WDR19: variants seen among roughly 807,000 people sequenced by gnomAD.
The protein encoded by WDR19 is WD repeat domain 19.
A neutral mutation model predicts 180.0 loss-of-function variants in WDR19; 121 were observed. The observed-to-expected ratio is 0.67, with a 90% CI of 0.58 to 0.78. The LOEUF is 0.78. Among genes scored for constraint, WDR19 ranks in the 30% least tolerant of loss-of-function variants. The probability of loss-of-function intolerance (pLI) is 0.00; values close to 1 mark genes in which losing one functional copy is unlikely to be tolerated. For missense variants in WDR19, 1,450 were observed against 1,640.7 expected (o/e 0.88, Z 2.01); for synonymous variants, 497 against 540.7 (o/e 0.92, Z 1.12).
In WDR19 at chr4:39,216,093, T is replaced by C; in HGVS notation, c.1135-3T>C. The C allele has an allele frequency of 3.2e-6, 5 of 1,571,250 alleles. No individual in the cohort carries two copies. Among genetic ancestry groups the C allele is most frequent in the Non-Finnish European group, 4.3e-6 (5 of 1,158,346 alleles). On this transcript the variant is annotated splice_polypyrimidine_tract_variant and splice_region_variant and intron_variant, in intron 11 of 36. Transcript: ENST00000399820. ...TGATTTATTACTATTTTCTTTATTATAGGAGCTACCAATCACAGTTTCTGT... is the reference window on the plus strand; with the variant it reads ...TGATTTATTACTATTTTCTTTATTACAGGAGCTACCAATCACAGTTTCTGT...
chr4:39,216,335 G>C, intron 12 of WDR19, 125 bp downstream of exon 12: 2 of 795,422 alleles, frequency 2.5e-6, no homozygotes, highest in South Asian at 3.9e-5. Context: ...CTCATTCTTA[G>C]CTTAAATGGT....
chr4:39,262,399 C>T (rs1419359628), intron 28 of WDR19, among the ~76,000 whole-genome samples: 1 of 152,122 alleles, frequency 6.6e-6, no homozygotes, highest in Non-Finnish European at 1.5e-5. Flanking sequence ...CATGCCACCG[C>T]ACCCGGCCAA....
intron 9 of WDR19, among the ~76,000 whole-genome samples, chr4:39,207,992 C>A (rs1356425074): frequency 1.3e-5 from 2 of 151,922 alleles, no homozygotes; most frequent in Non-Finnish European, 2.9e-5. Flanking sequence ...TTTTTGTATG[C>A]GATAAGACTT....
At chr4:39,183,632 T>A (rs1725207817) in intron 1 of WDR19, among the ~76,000 whole-genome samples, 1 of 152,224 alleles carries the variant, frequency 6.6e-6, no homozygotes, top group Non-Finnish European at 1.5e-5. Flanking sequence ...GACGGACCAG[T>A]AATCATAACT....
intron 1 of WDR19, 131 bp downstream of exon 1, chr4:39,182,694 A>G: frequency 6.9e-6 from 9 of 1,295,660 alleles, no homozygotes; most frequent in East Asian, 2.6e-5. Flanking sequence ...AGAGAGAGAG[A>G]GGTGGCCAGA....
At chr4:39,247,693 A>C (rs1732680689) in intron 24 of WDR19, among the ~76,000 whole-genome samples, 1 of 152,232 alleles carries the variant, frequency 6.6e-6, no homozygotes, top group Non-Finnish European at 1.5e-5. Flanking sequence ...TGGCACAAGA[A>C]TTACGCGACG....
intron 5 of WDR19, among the ~76,000 whole-genome samples, chr4:39,195,903 A>G (rs1285708977): frequency 3.3e-5 from 5 of 152,198 alleles, no homozygotes; most frequent in Admixed American, 3.3e-4. Flanking sequence ...GTTAAACTAA[A>G]TTTTTTTAAG....
chr4:39,273,610 A>G (rs1024174848), intron 32 of WDR19: 1 of 152,596 alleles, frequency 6.6e-6, no homozygotes, highest in Non-Finnish European at 1.5e-5. Context: ...TGAGCCACTC[A>G]TCAGTTCTGG....
chr4:39,240,955 C>CAAAAAA (rs34831969), intron 21 of WDR19, among the ~76,000 whole-genome samples: 2 of 115,774 alleles, frequency 1.7e-5, no homozygotes, highest in Non-Finnish European at 3.4e-5. Flanking sequence ...GACTCCATCT[C>CAAAAAA]AAAAAAAAAA....
chr4:39,228,837 G>C, intron 17 of WDR19, 147 bp downstream of exon 17: 3 of 855,960 alleles, frequency 3.5e-6, no homozygotes, highest in Non-Finnish European at 5.1e-6. Context: ...AGAAGTACAA[G>C]TGCAGTTGTG....
intron 28 of WDR19, among the ~76,000 whole-genome samples, chr4:39,260,219 A>G (rs1202803581): frequency 2.0e-5 from 3 of 152,172 alleles, no homozygotes; most frequent in Non-Finnish European, 4.4e-5. Context: ...CCCACTAACT[A>G]GTAGTTAAAT....
chr4:39,187,216 G>A (rs1351002199), intron 3 of WDR19, among the ~76,000 whole-genome samples: 1 of 151,826 alleles, frequency 6.6e-6, no homozygotes, highest in African/African-American at 2.4e-5. Flanking sequence ...GTCAGGAGAT[G>A]GAGACCATCC....
At chr4:39,254,150 C>A in intron 26 of WDR19, 120 bp downstream of exon 26, 2 of 945,522 alleles carry the variant, frequency 2.1e-6, no homozygotes, top group Non-Finnish European at 2.9e-6. Flanking sequence ...AAATGTTTAC[C>A]ATTTATACAT....
chr4:39,252,151 A>G (rs1485986803), intron 24 of WDR19, among the ~76,000 whole-genome samples: 1 of 151,992 alleles, frequency 6.6e-6, no homozygotes, highest in African/African-American at 2.4e-5. Flanking sequence ...AATGTGGCAC[A>G]TATACATCAT....
chr4:39,217,087 T>C, intron 12 of WDR19, 47 bp from the exon 13 acceptor site: 6 of 1,348,730 alleles, frequency 4.4e-6, no homozygotes, highest in Non-Finnish European at 6.2e-6. Flanking sequence ...AGGTATGAGA[T>C]AGTTTTACCA....
At chr4:39,268,147 A>C in intron 30 of WDR19, 56 bp downstream of exon 30, 1 of 1,465,192 alleles carries the variant, frequency 6.8e-7, no homozygotes, top group South Asian at 1.2e-5. Flanking sequence ...ATCAAGCCCC[A>C]GCCCCTTTTC....
In WDR19 at chr4:39,256,126, C is replaced by T. The variant is rs538874079; in HGVS notation, c.3114+166C>T. Reference sequence around the variant, plus strand: ...GAAATATTCCTCTCCCTCCCACACCCAGTCACAACCTTCCTTCGTAATACC... The same window carrying T: ...GAAATATTCCTCTCCCTCCCACACCTAGTCACAACCTTCCTTCGTAATACC... On this transcript the variant is annotated intron_variant, in intron 27 of 36. Transcript: ENST00000399820. Among the ~76,000 whole-genome samples, 3 of 151,888 alleles carry T rather than the reference C, an allele frequency of 2.0e-5. No homozygotes were observed. The East Asian group carries it at 5.8e-4, about 29-fold the overall frequency.
intron 36 of WDR19, among the ~76,000 whole-genome samples, chr4:39,282,761 T>C (rs976083391): frequency 2.0e-5 from 3 of 152,190 alleles, no homozygotes; most frequent in Admixed American, 6.5e-5. Context: ...CTAAATAATT[T>C]GGGGAGATTT....
At chr4:39,223,888 AT>A (rs1729962306) in intron 14 of WDR19, among the ~76,000 whole-genome samples, 1 of 152,230 alleles carries the variant, frequency 6.6e-6, no homozygotes, top group African/African-American at 2.4e-5. Context: ...CTACAAAAAA[AT>A]CTTGTTGAAA....
Sources: allele counts gnomAD v4.1 joint callset (sites outside exome capture counted in the v4.1 genomes callset), GRCh38; gene constraint gnomAD v4.1.1; transcripts MANE v1.5; gene names NCBI Gene and HGNC (gene_info 2026-07-23, HGNC 2026-07-21).